Variants in HMGB1 observed in about 807,000 individuals in gnomAD.
HMGB1 encodes the protein high mobility group box 1.
For missense variants in HMGB1, 79 were observed against 253.5 expected (o/e 0.31, Z 4.67); for synonymous variants, 81 against 84.0 (o/e 0.96, Z 0.19).
At chr13:30,609,484 A>G (rs1950493794) in intron 1 of HMGB1, among the ~76,000 whole-genome samples, 1 of 151,960 alleles carries the variant, frequency 6.6e-6, no homozygotes, top group African/African-American at 2.4e-5. Flanking sequence ...AATGGATTTG[A>G]TTTTTTTCAA....
At chr13:30,578,368 CTTT>C (rs60947686) in intron 1 of HMGB1, among the ~76,000 whole-genome samples, 913 of 59,136 alleles carry the variant, frequency 0.015, no homozygotes, top group African/African-American at 0.058. Context: ...AGTTCTTGTT[CTTT>C]TTTTTTTTTT....
chr13:30,586,485 T>TG, intron 1 of HMGB1, among the ~76,000 whole-genome samples: 1 of 141,090 alleles, frequency 7.1e-6, no homozygotes. Flanking sequence ...TTTTGTTTTT[T>TG]TTTTTTTTTT....
chr13:30,523,648 G>A (rs919963699), intron 1 of HMGB1, among the ~76,000 whole-genome samples: 6 of 152,098 alleles, frequency 3.9e-5, no homozygotes, highest in South Asian at 4.1e-4. Context: ...CTTTTCACAC[G>A]TAAGCCATGC....
intron 1 of HMGB1, chr13:30,463,913 T>C (rs1886525917): frequency 2.2e-6 from 1 of 458,504 alleles, no homozygotes; most frequent in African/African-American, 2.0e-5. Context: ...TTCAGGGCGA[T>C]CTCAAAAAGT....
intron 1 of HMGB1, among the ~76,000 whole-genome samples, chr13:30,473,295 T>C (rs1208234264): frequency 6.6e-6 from 1 of 152,208 alleles, no homozygotes; most frequent in East Asian, 1.9e-4. Flanking sequence ...AGCTAATTTA[T>C]ATCAATAAGT....
At chr13:30,531,308 A>C (rs906993485) in intron 1 of HMGB1, among the ~76,000 whole-genome samples, 1 of 152,208 alleles carries the variant, frequency 6.6e-6, no homozygotes, top group Admixed American at 6.5e-5. Context: ...AAAGCTAATG[A>C]AAGAAAAGAG....
At chr13:30,539,429 G>T (rs979173589) in intron 1 of HMGB1, among the ~76,000 whole-genome samples, 1 of 152,192 alleles carries the variant, frequency 6.6e-6, no homozygotes, top group Non-Finnish European at 1.5e-5. Flanking sequence ...CTTTGAACAC[G>T]TGTAGAGAAG....
intron 1 of HMGB1, among the ~76,000 whole-genome samples, chr13:30,604,130 A>C (rs1950430673): frequency 6.6e-6 from 1 of 151,810 alleles, no homozygotes; most frequent in South Asian, 2.1e-4. Context: ...CTGCACAAAG[A>C]GAAAAAGCTG....
intron 1 of HMGB1, chr13:30,463,965 C>T (rs1886531178): frequency 2.5e-6 from 1 of 394,666 alleles, no homozygotes; most frequent in Non-Finnish European, 3.8e-6. Context: ...CCTATCTATC[C>T]GCCCGAGTCT....
intron 1 of HMGB1, among the ~76,000 whole-genome samples, chr13:30,502,648 A>ATTTTATTTATTTTAT (rs141484915): frequency 2.1e-5 from 3 of 146,248 alleles, no homozygotes; most frequent in Non-Finnish European, 3.0e-5. Flanking sequence ...ACTTTATTTT[A>ATTTTATTTATTTTAT]TTTATTTTAT....
rs1470936967 is a variant in HMGB1, at chr13:30,460,451, T to C, written c.*906A>G. 1.3e-5 allele frequency: 2 copies of C among 151,656 alleles called. No individual in the cohort carries two copies. Among genetic ancestry groups the C allele is most frequent in the Non-Finnish European group, 1.5e-5 (1 of 67,754 alleles). 9.4% of individuals were successfully genotyped at this position (151,656 alleles called of 1,614,324 possible). On this transcript the variant is annotated 3_prime_UTR_variant, in exon 5 of 5. Coordinates refer to ENST00000341423, the MANE Select transcript of HMGB1 (RefSeq NM_002128.7). ...TATTTTAAGCTCACGCTTTTGGGGA[T>C]ACATTCTCAGGTCTTCTTTAATGTG...
chr13:30,555,179 A>C (rs531853639), intron 1 of HMGB1, among the ~76,000 whole-genome samples: 19 of 151,226 alleles, frequency 1.3e-4, no homozygotes, highest in South Asian at 4.2e-4. Context: ...GTAGCTGGGA[A>C]TACAGGCGCC....
At chr13:30,603,206 T>C (rs1017534993) in intron 1 of HMGB1, among the ~76,000 whole-genome samples, 5 of 152,104 alleles carry the variant, frequency 3.3e-5, no homozygotes, top group Admixed American at 1.3e-4. Flanking sequence ...TTCCTTCCAA[T>C]TTTGACATGT....
intron 1 of HMGB1, among the ~76,000 whole-genome samples, chr13:30,549,847 C>G (rs4769844): frequency 0.62 from 93,840 of 151,734 alleles, 29,541 homozygotes; most frequent in Middle Eastern, 0.76. Flanking sequence ...TTCCCGAGTA[C>G]CTGGGATTGC....
Position 30,518,890 on chromosome 13 carries a change from T to TTTTTA in HMGB1, c.-14-55201_-14-55197dup, listed in dbSNP as rs553042498. On this transcript the variant is annotated intron_variant, in intron 1 of 4. Coordinates refer to the HMGB1 transcript ENST00000405805. Reference sequence around the variant, plus strand: ...CTACATGCCACCACACCCAGCTAATTTTTTATTTTATTTTATTTTTATTTT... The same window carrying TTTTTA: ...CTACATGCCACCACACCCAGCTAATTTTTTATTTTATTTTATTTTATTTTTATTTT... Among the ~76,000 whole-genome samples the TTTTTA allele has an allele frequency of 8.1e-3, 1,230 of 151,148 alleles. 19 individuals carry two copies. Among genetic ancestry groups the TTTTTA allele is most frequent in the Middle Eastern group, 0.052 (15 of 290 alleles).
At chr13:30,506,878 C>T (rs1200193626) in intron 1 of HMGB1, among the ~76,000 whole-genome samples, 1 of 152,036 alleles carries the variant, frequency 6.6e-6, no homozygotes, top group Non-Finnish European at 1.5e-5. Flanking sequence ...TCTCCCACAC[C>T]CCTAGTTCTC....
At chr13:30,605,972 G>A (rs1045107041) in intron 1 of HMGB1, among the ~76,000 whole-genome samples, 24 of 151,972 alleles carry the variant, frequency 1.6e-4, no homozygotes, top group African/African-American at 5.6e-4. Context: ...ACACACCTAG[G>A]AAAATTAAAA....
At chr13:30,600,533 G>C (rs773524560) in intron 1 of HMGB1, among the ~76,000 whole-genome samples, 3 of 152,120 alleles carry the variant, frequency 2.0e-5, no homozygotes, top group Non-Finnish European at 4.4e-5. Flanking sequence ...AGATATTTTA[G>C]AAATCATCTC....
At chr13:30,482,953 A>ATT (rs33960064) in intron 1 of HMGB1, among the ~76,000 whole-genome samples, 119 of 143,118 alleles carry the variant, frequency 8.3e-4, no homozygotes, top group Middle Eastern at 3.6e-3. Flanking sequence ...AACACCAGCT[A>ATT]TTTTTTTTTT....
Sources: allele counts gnomAD v4.1 joint callset (sites outside exome capture counted in the v4.1 genomes callset), GRCh38; gene constraint gnomAD v4.1.1; transcripts MANE v1.5; gene names NCBI Gene and HGNC (gene_info 2026-07-23, HGNC 2026-07-21).